Variants in CXCL13 observed in about 807,000 individuals in gnomAD.
CXCL13 encodes C-X-C motif chemokine ligand 13, also known as C-X-C motif chemokine 13.
A neutral mutation model predicts 12.2 loss-of-function variants in CXCL13; 7 were observed. The observed-to-expected ratio is 0.57, with a 90% CI of 0.33 to 1.07. The LOEUF (loss-of-function observed/expected upper bound fraction) is 1.07, where lower values mean the gene tolerates loss of function less well. Among genes scored for constraint, CXCL13 ranks in the 50% least tolerant of loss-of-function variants. CXCL13 has a pLI of 0.04. For missense variants in CXCL13, 113 were observed against 127.4 expected (o/e 0.89, Z 0.55); for synonymous variants, 47 against 42.4 (o/e 1.11, Z -0.42).
chr4:77,552,587 C>A (rs1372402032), intron 1 of CXCL13, among the ~76,000 whole-genome samples: 1 of 152,228 alleles, frequency 6.6e-6, no homozygotes, highest in Non-Finnish European at 1.5e-5. Context: ...AGGCAGGGGG[C>A]AAGATGTGTG....
chr4:77,516,942 T>G (rs904848671), intron 1 of CXCL13, among the ~76,000 whole-genome samples: 1 of 152,198 alleles, frequency 6.6e-6, no homozygotes, highest in African/African-American at 2.4e-5. Context: ...TTGTGGGCAT[T>G]TAGTGCTATA....
rs920301779 is a variant in CXCL13, at chr4:77,523,690, G to A, written c.-43+11902G>A. 5.3e-5 allele frequency among the ~76,000 whole-genome samples: 8 copies of A among 152,092 alleles called. No individual in the cohort carries two copies. The South Asian group carries it at 1.2e-3, about 24-fold the overall frequency. ...TAGCTTGGAGAAGTTTGTTATTACC[G>A]ATTTCTGAAGCCTACTTCTGTCAAC... On this transcript the variant is annotated intron_variant, in intron 1 of 4. Transcript: ENST00000286758.
At chr4:77,558,650 G>C (rs1725721535) in intron 1 of CXCL13, among the ~76,000 whole-genome samples, 1 of 152,202 alleles carries the variant, frequency 6.6e-6, no homozygotes, top group South Asian at 2.1e-4. Flanking sequence ...ACCGCACTCA[G>C]CTGGAGTAAA....
chr4:77,571,267 G>A (rs1428150583), intron 1 of CXCL13, among the ~76,000 whole-genome samples: 2 of 151,874 alleles, frequency 1.3e-5, no homozygotes, highest in African/African-American at 4.9e-5. Flanking sequence ...GGGACATGGA[G>A]AGTCTTTATG....
At chr4:77,577,103 ATC>A (rs1312644959) in intron 1 of CXCL13, among the ~76,000 whole-genome samples, 2 of 152,202 alleles carry the variant, frequency 1.3e-5, no homozygotes, top group African/African-American at 4.8e-5. Flanking sequence ...CTGAGCAATT[ATC>A]CTGCAAATCT....
intron 1 of CXCL13, among the ~76,000 whole-genome samples, chr4:77,558,479 A>G (rs1158304946): frequency 1.3e-5 from 2 of 152,182 alleles, no homozygotes; most frequent in Admixed American, 1.3e-4. Context: ...CAGCCTCCCA[A>G]GTAACTGGGA....
At chr4:77,514,350 T>C (rs1247996064) in intron 1 of CXCL13, among the ~76,000 whole-genome samples, 13 of 147,796 alleles carry the variant, frequency 8.8e-5, no homozygotes, top group Admixed American at 2.0e-4. Context: ...CAAATGGTAT[T>C]TCTAGTTCTA....
chr4:77,559,721 G>A lies in CXCL13; in HGVS notation c.-42-46103G>A, dbSNP rs535804474. Among the ~76,000 whole-genome samples the A allele has an allele frequency of 3.4e-3, 512 of 152,116 alleles. 1 individual carries two copies. Among genetic ancestry groups the A allele is most frequent in the Non-Finnish European group, 5.2e-3 (352 of 67,996 alleles). On this transcript the variant is annotated intron_variant, in intron 1 of 4. Coordinates refer to the CXCL13 transcript ENST00000286758. ...GCAGATCACGAGGTCAGGAGATCGA[G>A]ACCACCCTGGCTAACATTGTGAAAC...
Position 77,530,150 on chromosome 4 carries a change from T to A in CXCL13, c.-43+18362T>A, listed in dbSNP as rs572272726. On this transcript the variant is annotated intron_variant, in intron 1 of 4. Transcript: ENST00000286758. The stretch of plus-strand genomic sequence containing the variant: ...CCCACTTGATCATGGTGGATAAGCT[T>A]CTTGATGTGCTTCTGGATTCAGTTT... Among the ~76,000 whole-genome samples the A allele has an allele frequency of 3.9e-5, 6 of 152,330 alleles. No individual in the cohort carries two copies. In the South Asian group the frequency reaches 8.3e-4, roughly 21 times the overall value.
At chr4:77,514,818 C>T (rs1468234045) in intron 1 of CXCL13, among the ~76,000 whole-genome samples, 2 of 151,986 alleles carry the variant, frequency 1.3e-5, no homozygotes, top group East Asian at 1.9e-4. Context: ...TAATTAGATC[C>T]CATTTGTCAA....
chr4:77,590,389 A>G (rs1312733283), intron 1 of CXCL13, among the ~76,000 whole-genome samples: 1 of 152,242 alleles, frequency 6.6e-6, no homozygotes, highest in Non-Finnish European at 1.5e-5. Context: ...GGGGATTCAC[A>G]GAGGCAGTTT....
intron 2 of CXCL13, among the ~76,000 whole-genome samples, chr4:77,609,847 CT>C (rs1455698699): frequency 3.9e-5 from 6 of 152,172 alleles, no homozygotes; most frequent in African/African-American, 1.4e-4. Flanking sequence ...TTGAATCCTT[CT>C]GTATCATGTA....
intron 1 of CXCL13, among the ~76,000 whole-genome samples, chr4:77,568,910 A>G (rs1726000924): frequency 6.6e-6 from 1 of 152,050 alleles, no homozygotes; most frequent in Non-Finnish European, 1.5e-5. Flanking sequence ...TCTTTATTTA[A>G]TGCTTTGCTA....
Position 77,611,068 on chromosome 4 carries a change from A to T in CXCL13, c.*29A>T. 1 of 1,571,256 alleles carries T rather than the reference A, an allele frequency of 6.4e-7. No homozygotes were observed. ...TGATATTTCCACTAAGAACACCTGCATTCTTCCCTTATCCCTGCTCTGGAT... is the reference window on the plus strand; with the variant it reads ...TGATATTTCCACTAAGAACACCTGCTTTCTTCCCTTATCCCTGCTCTGGAT... On this transcript the variant is annotated 3_prime_UTR_variant, in exon 4 of 4. Coordinates refer to ENST00000682537, the MANE Select transcript of CXCL13 (RefSeq NM_001371558.1).
chr4:77,564,252 T>C (rs1369224642), intron 1 of CXCL13, among the ~76,000 whole-genome samples: 1 of 152,184 alleles, frequency 6.6e-6, no homozygotes, highest in Admixed American at 6.5e-5. Flanking sequence ...TCTAGAAACT[T>C]CTGGCAGTTA....
At chr4:77,527,053 A>G (rs1262849794) in intron 1 of CXCL13, among the ~76,000 whole-genome samples, 1 of 152,198 alleles carries the variant, frequency 6.6e-6, no homozygotes, top group Non-Finnish European at 1.5e-5. Context: ...GAGTGGGAAA[A>G]TAGACAATGC....
intron 1 of CXCL13, among the ~76,000 whole-genome samples, chr4:77,559,111 G>A (rs1725735626): frequency 6.6e-6 from 1 of 152,154 alleles, no homozygotes. Context: ...ATCTCACGCT[G>A]GGATTGTATG....
chr4:77,593,275 A>G (rs2109831983), intron 1 of CXCL13, among the ~76,000 whole-genome samples: 1 of 152,376 alleles, frequency 6.6e-6, no homozygotes, highest in Admixed American at 6.5e-5. Context: ...CCTCAAATTA[A>G]ACATTTTAAA....
intron 1 of CXCL13, among the ~76,000 whole-genome samples, chr4:77,529,950 A>G (rs1160174700): frequency 1.3e-5 from 2 of 152,216 alleles, no homozygotes; most frequent in African/African-American, 4.8e-5. Flanking sequence ...GATACGCTCC[A>G]TCAATACCTA....
Sources: gnomAD v4.1 joint callset for allele counts (sites outside exome capture counted in the v4.1 genomes callset) on GRCh38, gnomAD v4.1.1 for gene constraint, MANE v1.5 for transcripts, NCBI Gene and HGNC (gene_info 2026-07-23, HGNC 2026-07-21) for gene names.